ATM: variants seen among roughly 807,000 people sequenced by gnomAD.
The protein encoded by ATM is serine-protein kinase ATM.
A neutral mutation model predicts 387.0 loss-of-function variants in ATM; 308 were observed. The observed-to-expected ratio is 0.80, with a 90% CI of 0.73 to 0.87. The LOEUF is 0.87. Ranked by LOEUF, ATM falls within the 40% of genes least tolerant of loss-of-function variation. The probability of loss-of-function intolerance (pLI) is 0.00; values close to 1 mark genes in which losing one functional copy is unlikely to be tolerated. For missense variants in ATM, 3,312 were observed against 3,560.9 expected (o/e 0.93, Z 1.78); for synonymous variants, 1,156 against 1,187.3 (o/e 0.97, Z 0.54).
At chr11:108,228,666 A>G (rs1003582397) in intron 3 of ATM, among the ~76,000 whole-genome samples, 2 of 152,142 alleles carry the variant, frequency 1.3e-5, no homozygotes, top group Non-Finnish European at 2.9e-5. Flanking sequence ...TTTTCCTCTG[A>G]TTTTCTAGTT....
intron 32 of ATM, among the ~76,000 whole-genome samples, chr11:108,296,585 T>C (rs975371028): frequency 6.6e-6 from 1 of 152,214 alleles, no homozygotes; most frequent in African/African-American, 2.4e-5. Context: ...GTTTTTACTC[T>C]CAGTACTTTT....
chr11:108,306,822 C>A (rs1353049946), intron 37 of ATM, among the ~76,000 whole-genome samples: 1 of 152,188 alleles, frequency 6.6e-6, no homozygotes, highest in Admixed American at 6.5e-5. Flanking sequence ...CTTCCCCCAG[C>A]CTACTTTTTT....
chr11:108,357,001 G>A (rs1201594420), intron 61 of ATM, among the ~76,000 whole-genome samples: 2 of 152,222 alleles, frequency 1.3e-5, no homozygotes, highest in African/African-American at 2.4e-5. Context: ...CGATGCAGAA[G>A]ACAGGTGATT....
chr11:108,304,804 C>T lies in ATM; in HGVS notation c.5626C>T (p.His1876Tyr), dbSNP rs1060501567. ...VQGFFTSCLR[H>Y]FSQTSRSTTP... ...GGGATTTTTCACCAGCTGTCTTCGA[C>T]ACTTCTCGCAAACGAGCCGATCCAC... Residue 1876 changes from histidine (H) to tyrosine (Y), a missense_variant, in exon 37 of 63, where the codon CAC becomes TAC. His to Tyr is a moderately conservative substitution (Grantham distance 83). Around this residue, in one of 4 missense-constraint regions of ATM, gnomAD observed 1,405 missense variants for 1,604.4 expected, o/e 0.88. Transcript: ENST00000675843. 6.2e-7 allele frequency: 1 copy of T among 1,613,596 alleles called. No homozygotes were observed. The highest frequency in any genetic ancestry group is 1.7e-5 in the Admixed American group (1 of 60,014).
chr11:108,353,697 C>G (rs1286252456), intron 59 of ATM, 69 bp from the exon 60 acceptor site: 5 of 1,279,094 alleles, frequency 3.9e-6, no homozygotes, highest in Non-Finnish European at 5.7e-6. Context: ...TTGTAAAGTT[C>G]ACATTCTAAC....
chr11:108,365,241 C>A, intron 62 of ATM, 23 bp downstream of exon 62: 3 of 1,614,160 alleles, frequency 1.9e-6, no homozygotes, highest in Non-Finnish European at 2.5e-6. Context: ...TTAAGAAGGT[C>A]CTGTTGTCAG....
intron 45 of ATM, among the ~76,000 whole-genome samples, chr11:108,324,474 C>T (rs986574133): frequency 2.0e-5 from 3 of 152,058 alleles, no homozygotes; most frequent in Non-Finnish European, 4.4e-5. Context: ...TATGGTCCAA[C>T]GATCGAAAGT....
At chr11:108,223,415 CCT>C (rs1016972455) in intron 1 of ATM, 5 of 152,408 alleles carry the variant, frequency 3.3e-5, no homozygotes, top group Admixed American at 1.3e-4. Flanking sequence ...TCCTGCGCAT[CCT>C]CTTTTTGTGT....
In ATM at chr11:108,354,894, A is replaced by C. The variant is rs2137357318; in HGVS notation, c.8850+20A>C. 6.3e-7 allele frequency: 1 copy of C among 1,599,462 alleles called. No individual in the cohort carries two copies. The highest frequency in any genetic ancestry group is 2.2e-5 in the East Asian group (1 of 44,800). On this transcript the variant is annotated intron_variant, in intron 61 of 62. Transcript: ENST00000675843. ...GTAGAGGTAAAGTATTTTATAAGGA[A>C]GACTTTATTTTTTTTCTTACCAGGT...
intron 16 of ATM, among the ~76,000 whole-genome samples, chr11:108,262,262 A>C (rs553254051): frequency 3.1e-3 from 477 of 152,368 alleles, no homozygotes; most frequent in Non-Finnish European, 5.2e-3. Flanking sequence ...AGAGGGAAGC[A>C]CATCAGACTA....
Position 108,301,637 on chromosome 11 carries a change from G to T in ATM, c.5178-11G>T, listed in dbSNP as rs200876654. 1.9e-6 allele frequency: 3 copies of T among 1,613,088 alleles called. No homozygotes were observed. Among genetic ancestry groups the T allele is most frequent in the Non-Finnish European group, 2.5e-6 (3 of 1,179,430 alleles). On this transcript the variant is annotated splice_polypyrimidine_tract_variant and intron_variant, in intron 34 of 62. Coordinates refer to ENST00000675843, the MANE Select transcript of ATM (RefSeq NM_000051.4). ...GGTGTACTTGATAGGCATTTGAATT[G>T]TTTTTTTCAGTGTCAAAGTTCGATC... is the stretch of plus-strand genomic sequence containing the variant.
intron 22 of ATM, among the ~76,000 whole-genome samples, chr11:108,274,207 A>G (rs2081791839): frequency 6.6e-6 from 1 of 152,174 alleles, no homozygotes; most frequent in Non-Finnish European, 1.5e-5. Flanking sequence ...CTGTGGGATC[A>G]GTGGTATTAT....
chr11:108,238,713 G>C (rs1273421290), intron 5 of ATM, among the ~76,000 whole-genome samples: 2 of 151,836 alleles, frequency 1.3e-5, no homozygotes, highest in Non-Finnish European at 2.9e-5. Context: ...CATGTCTTCT[G>C]TAAGCAGTAA....
chr11:108,344,831 A>G (rs1188920512), intron 57 of ATM, among the ~76,000 whole-genome samples: 1 of 151,812 alleles, frequency 6.6e-6, no homozygotes, highest in Non-Finnish European at 1.5e-5. Context: ...TAGTGAGACC[A>G]CATCTCTACA....
At chr11:108,341,513 G>A (rs574524630) in intron 56 of ATM, among the ~76,000 whole-genome samples, 2 of 152,178 alleles carry the variant, frequency 1.3e-5, no homozygotes, top group South Asian at 4.2e-4. Flanking sequence ...TGTGTAACAT[G>A]TAATACGCCC....
intron 5 of ATM, among the ~76,000 whole-genome samples, chr11:108,238,196 G>T (rs1238358964): frequency 6.6e-6 from 1 of 151,660 alleles, no homozygotes; most frequent in African/African-American, 2.4e-5. Flanking sequence ...CAAAGTGCTG[G>T]GTTTATAGAC....
chr11:108,267,859 A>G lies in ATM; in HGVS notation c.2638+517A>G, dbSNP rs78145349. Among the ~76,000 whole-genome samples the G allele has an allele frequency of 2.1e-3, 316 of 152,382 alleles. 1 individual carries two copies. Among genetic ancestry groups the G allele is most frequent in the African/African-American group, 7.1e-3 (294 of 41,592 alleles). Reference sequence around the variant, plus strand: ...GGCGACAGAGCGAGACTCCGTCTCAAAAAAAGAAATAAAATCATATGATAG... The same window carrying G: ...GGCGACAGAGCGAGACTCCGTCTCAGAAAAAGAAATAAAATCATATGATAG... On this transcript the variant is annotated intron_variant, in intron 17 of 62. Coordinates refer to ENST00000675843, the MANE Select transcript of ATM (RefSeq NM_000051.4).
chr11:108,289,867 T>G, intron 29 of ATM, 66 bp downstream of exon 29: 1 of 1,452,294 alleles, frequency 6.9e-7, no homozygotes, highest in East Asian at 2.4e-5. Context: ...TTTTTTTGCT[T>G]TGTTTTGTTT....
At chr11:108,363,602 A>G (rs1052310676) in intron 61 of ATM, among the ~76,000 whole-genome samples, 1 of 152,122 alleles carries the variant, frequency 6.6e-6, no homozygotes, top group African/African-American at 2.4e-5. Flanking sequence ...GCTGCTGAAC[A>G]CCTCAGAATG....
Sources: gnomAD v4.1 joint callset for allele counts (sites outside exome capture counted in the v4.1 genomes callset) on GRCh38, gnomAD v4.1.1 for gene constraint, gnomAD v4.1.1 regional missense constraint, MANE v1.5 for transcripts, NCBI Gene and HGNC (gene_info 2026-07-23, HGNC 2026-07-21) for gene names.